CCNY: variants seen among roughly 807,000 people sequenced by gnomAD.
CCNY encodes the protein cyclin Y, also known as cyclin-Y.
In CCNY, 19 loss-of-function variants were observed where a neutral mutation model predicts 42.8. That is an observed-to-expected ratio of 0.44 (90% CI 0.31 to 0.65). The LOEUF (loss-of-function observed/expected upper bound fraction) is 0.65, where lower values mean the gene tolerates loss of function less well. Ranked by LOEUF, CCNY falls within the 30% of genes least tolerant of loss-of-function variation. The pLI is 0.07. For synonymous variants in CCNY, 165 were observed against 162.7 expected (o/e 1.01, Z -0.11); for missense variants, 370 against 437.3 (o/e 0.85, Z 1.37).
exon 3 of CCNY, chr10:35,250,580 A>G (rs1321608996): frequency 1.3e-5 from 2 of 152,354 alleles, no homozygotes; most frequent in Non-Finnish European, 1.5e-5. Flanking sequence ...CAAGCTCTCT[A>G]GGTAATTCTG....
intron 3 of CCNY, among the ~76,000 whole-genome samples, chr10:35,265,654 G>C (rs1042505443): frequency 6.6e-6 from 1 of 152,232 alleles, no homozygotes; most frequent in Non-Finnish European, 1.5e-5. Context: ...TTTGAATGAG[G>C]AGCTGAGGAT....
chr10:35,401,084 A>G (rs969225669), intron 1 of CCNY, among the ~76,000 whole-genome samples: 2 of 152,264 alleles, frequency 1.3e-5, no homozygotes, highest in African/African-American at 4.8e-5. Context: ...GCCCCGGCCC[A>G]GGTGGCAGCT....
At chr10:35,338,730 T>C (rs867024832) in intron 1 of CCNY, among the ~76,000 whole-genome samples, 8 of 152,254 alleles carry the variant, frequency 5.3e-5, no homozygotes, top group Admixed American at 1.3e-4. Context: ...GTCTTCTTTA[T>C]GATGTGCAGT....
Position 35,307,760 on chromosome 10 carries a change from A to ATG in CCNY, c.-9+57174_-9+57175dup, listed in dbSNP as rs60407989. ...TATATATACATATTGATGTGTATAT[A>ATG]TGTGTGTGTGTGTGTGTGTGTGTGT... On this transcript the variant is annotated intron_variant, in intron 3 of 11. Transcript: ENST00000374706. Among the ~76,000 whole-genome samples the ATG allele has an allele frequency of 3.5e-3, 404 of 116,112 alleles. 4 individuals carry two copies. Among genetic ancestry groups the ATG allele is most frequent in the Middle Eastern group, 5.3e-3 (1 of 190 alleles). The allele number at this position is 116,112 out of a possible 152,430, so 76.2% of individuals were successfully genotyped here. A position where few individuals can be genotyped will look rare whatever the true frequency, so the allele number is the denominator to read the frequency against.
chr10:35,536,149 C>T (rs1840881965), intron 7 of CCNY, among the ~76,000 whole-genome samples: 1 of 152,108 alleles, frequency 6.6e-6, no homozygotes, highest in Non-Finnish European at 1.5e-5. Context: ...GCAGTTTCCC[C>T]CATACTGTTC....
At chr10:35,404,857 G>A (rs1223123275) in intron 1 of CCNY, among the ~76,000 whole-genome samples, 1 of 152,170 alleles carries the variant, frequency 6.6e-6, no homozygotes, top group African/African-American at 2.4e-5. Context: ...AGTAGGGGCT[G>A]TCCACGAAGC....
At chr10:35,405,942 G>A (rs1053339056) in intron 1 of CCNY, among the ~76,000 whole-genome samples, 7 of 152,188 alleles carry the variant, frequency 4.6e-5, no homozygotes, top group African/African-American at 1.4e-4. Context: ...GGCACTTGAA[G>A]CAAGATCCTG....
intron 1 of CCNY, among the ~76,000 whole-genome samples, chr10:35,479,610 G>A (rs1349466407): frequency 1.5e-5 from 2 of 129,322 alleles, no homozygotes; most frequent in East Asian, 5.0e-4. Flanking sequence ...CTGTTGTGGG[G>A]TGGGGGGAGG....
intron 1 of CCNY, among the ~76,000 whole-genome samples, chr10:35,368,588 T>G (rs1397598035): frequency 6.8e-6 from 1 of 146,226 alleles, no homozygotes; most frequent in African/African-American, 2.6e-5. Flanking sequence ...GCATCCACAT[T>G]TCGTGGTGTT....
chr10:35,350,486 T>G (rs1014297058), intron 1 of CCNY, among the ~76,000 whole-genome samples: 2 of 152,218 alleles, frequency 1.3e-5, no homozygotes, highest in Non-Finnish European at 2.9e-5. Flanking sequence ...GACTACATTT[T>G]CTGACAGTGT....
intron 1 of CCNY, among the ~76,000 whole-genome samples, chr10:35,470,354 C>T (rs1839367301): frequency 6.6e-6 from 1 of 152,082 alleles, no homozygotes; most frequent in Non-Finnish European, 1.5e-5. Flanking sequence ...GACAGACAGA[C>T]AAACAGAGCA....
intron 7 of CCNY, among the ~76,000 whole-genome samples, chr10:35,550,685 T>C (rs977084200): frequency 6.6e-6 from 1 of 152,182 alleles, no homozygotes; most frequent in African/African-American, 2.4e-5. Context: ...AAGCCTAGTT[T>C]AGGCACTTGC....
At chr10:35,421,841 C>G (rs993515434) in intron 1 of CCNY, among the ~76,000 whole-genome samples, 2 of 152,182 alleles carry the variant, frequency 1.3e-5, no homozygotes, top group Admixed American at 1.3e-4. Flanking sequence ...TTTCTCTTGA[C>G]AGTAAATATA....
intron 7 of CCNY, among the ~76,000 whole-genome samples, chr10:35,536,249 T>C (rs1840884792): frequency 6.6e-6 from 1 of 152,148 alleles, no homozygotes; most frequent in African/African-American, 2.4e-5. Context: ...GCTGGTACCA[T>C]GTAAGAAGTG....
Position 35,389,508 on chromosome 10 carries a change from C to T in CCNY, c.154+52301C>T, listed in dbSNP as rs565589247. Among the ~76,000 whole-genome samples, 8 of 146,762 alleles carry T rather than the reference C, an allele frequency of 5.5e-5. No individual in the cohort carries two copies. In the East Asian group the frequency reaches 6.1e-4, roughly 11 times the overall value. On this transcript the variant is annotated intron_variant, in intron 1 of 9. Transcript: ENST00000374704. ...AGGCTGGAGTGCAGTGGTATGATCT[C>T]GGCTTGCTGCAACCTCTGCCTCCCG...
chr10:35,451,922 G>A (rs956365217), intron 1 of CCNY, among the ~76,000 whole-genome samples: 2 of 152,240 alleles, frequency 1.3e-5, no homozygotes, highest in Admixed American at 1.3e-4. Context: ...GGGCCTGGCA[G>A]TGTCCTCTGC....
chr10:35,403,472 T>C (rs1332878803), intron 1 of CCNY, among the ~76,000 whole-genome samples: 5 of 152,170 alleles, frequency 3.3e-5, no homozygotes, highest in African/African-American at 1.2e-4. Context: ...TCTGCCTGCT[T>C]CTTTAGCTAC....
intron 8 of CCNY, among the ~76,000 whole-genome samples, chr10:35,558,995 T>C (rs888425411): frequency 3.3e-5 from 5 of 152,190 alleles, no homozygotes; most frequent in Non-Finnish European, 4.4e-5. Flanking sequence ...GGAGGAGTTT[T>C]GAGGTGCATA....
At chr10:35,316,399 C>T (rs1223214590) in intron 3 of CCNY, 1 of 152,206 alleles carries the variant, frequency 6.6e-6, no homozygotes, top group African/African-American at 2.4e-5. Flanking sequence ...TACCCATATC[C>T]ATGGTTATTT....
Sources: allele counts gnomAD v4.1 joint callset (sites outside exome capture counted in the v4.1 genomes callset), GRCh38; gene constraint gnomAD v4.1.1; transcripts MANE v1.5; gene names NCBI Gene and HGNC (gene_info 2026-07-23, HGNC 2026-07-21).